The following PSD3 variants were observed in gnomAD, a reference collection of about 807,000 sequenced individuals.
PSD3 encodes PH and SEC7 domain-containing protein 3.
Under a neutral mutation model 105.5 loss-of-function variants are expected in PSD3, and 49 were observed. That is an observed-to-expected ratio of 0.46 (90% confidence interval 0.37 to 0.59). The LOEUF (loss-of-function observed/expected upper bound fraction) is 0.59. PSD3 is among the 20% of genes least tolerant of loss of function. The pLI is 0.00. For missense variants in PSD3, 1,561 were observed against 1,263.8 expected, an observed-to-expected ratio of 1.24 and a Z score of -3.57; for synonymous variants, 557 against 457.8, an observed-to-expected ratio of 1.22 and a Z score of -2.77.
At chr8:18,916,302 A>G (rs1166324896) in intron 2 of PSD3, among the ~76,000 whole-genome samples, 1 of 570 alleles carries the variant, frequency 1.8e-3, no homozygotes, top group African/African-American at 0.011. Context: ...AAAGTGATAT[A>G]TATATATATA....
chr8:18,936,203 A>G (rs1822124018), intron 1 of PSD3, 61 bp from the exon 2 acceptor site: 1 of 1,079,482 alleles, frequency 9.3e-7, no homozygotes, highest in African/African-American at 1.6e-5. Context: ...ACACATCATA[A>G]AACAAATTAT....
chr8:18,798,132 A>C (rs981572144), intron 8 of PSD3, among the ~76,000 whole-genome samples: 2 of 152,144 alleles, frequency 1.3e-5, no homozygotes, highest in Non-Finnish European at 2.9e-5. Flanking sequence ...GTCAAGATTC[A>C]CACTGTGAAA....
chr8:18,870,179 T>C (rs1817230509), intron 3 of PSD3, among the ~76,000 whole-genome samples: 1 of 151,984 alleles, frequency 6.6e-6, no homozygotes, highest in South Asian at 2.1e-4. Flanking sequence ...AAAAGGCATT[T>C]CCTTACACCG....
intron 1 of PSD3, among the ~76,000 whole-genome samples, chr8:19,041,613 A>G (rs1022442083): frequency 1.3e-5 from 2 of 152,200 alleles, no homozygotes; most frequent in Admixed American, 6.5e-5. Context: ...TCTTGCACTT[A>G]CCTGGGTTAT....
At chr8:18,575,031 A>G in intron 13 of PSD3, 97 bp downstream of exon 13, 1 of 1,321,054 alleles carries the variant, frequency 7.6e-7, no homozygotes, top group Non-Finnish European at 1.0e-6. Context: ...ATTCCAACTC[A>G]AAAAATTTCC....
chr8:18,863,603 G>A (rs1427173733), intron 4 of PSD3, among the ~76,000 whole-genome samples: 2 of 152,186 alleles, frequency 1.3e-5, no homozygotes, highest in Non-Finnish European at 2.9e-5. Flanking sequence ...TATTGCCATT[G>A]AAAGTAATGA....
At chr8:18,784,314 T>C (rs949820461) in intron 8 of PSD3, among the ~76,000 whole-genome samples, 1 of 151,962 alleles carries the variant, frequency 6.6e-6, no homozygotes, top group Non-Finnish European at 1.5e-5. Flanking sequence ...TTTCACGGCT[T>C]ATTATGTGTT....
chr8:18,980,170 G>T (rs1425959532), intron 1 of PSD3, among the ~76,000 whole-genome samples: 1 of 152,194 alleles, frequency 6.6e-6, no homozygotes, highest in Admixed American at 6.5e-5. Context: ...AAGGCACGAG[G>T]TATGTGAGTG....
At chr8:18,714,795 A>T (rs1312185373) in intron 9 of PSD3, among the ~76,000 whole-genome samples, 1 of 152,250 alleles carries the variant, frequency 6.6e-6, no homozygotes, top group Non-Finnish European at 1.5e-5. Flanking sequence ...TACCCAAAGG[A>T]ATATAAATTA....
intron 1 of PSD3, among the ~76,000 whole-genome samples, chr8:19,059,667 A>G (rs1828831302): frequency 6.6e-6 from 1 of 152,266 alleles, no homozygotes; most frequent in Non-Finnish European, 1.5e-5. Flanking sequence ...CTACGTCTGT[A>G]AAGCACTGAG....
Position 18,724,903 on chromosome 8 carries a change from A to C in PSD3, c.2172+40546T>G, listed in dbSNP as rs1052907364. Among the ~76,000 whole-genome samples, 6 of 152,340 alleles carry C rather than the reference A, an allele frequency of 3.9e-5. No homozygotes were observed. In the South Asian group the frequency reaches 1.2e-3, roughly 32 times the overall value. ...ACAATCGTAACAACTAGATGGGAACAATGGGAGATGTGGAATGGGCAGGTG... is the reference window on the plus strand; with the variant it reads ...ACAATCGTAACAACTAGATGGGAACCATGGGAGATGTGGAATGGGCAGGTG... On this transcript the variant is annotated intron_variant, in intron 9 of 15. Transcript: ENST00000327040.
At position 19,029,034 on chromosome 8, in the gene PSD3, C is replaced by G. The variant is rs142249162; in HGVS notation, c.324+55172G>C. Among the ~76,000 whole-genome samples, 1,306 of 152,260 alleles carry G rather than the reference C, an allele frequency of 8.6e-3. 13 individuals are homozygous for G. Among genetic ancestry groups the G allele is most frequent in the African/African-American group, 0.02 (825 of 41,558 alleles). ...CATTTCATTGATCTATGTCTCTATA[C>G]TTACAATAATGCAAAGTCTTCATTA... is the stretch of plus-strand genomic sequence containing the variant. On this transcript the variant is annotated intron_variant, in intron 1 of 1. Transcript: ENST00000521475.
At chr8:18,956,127 A>C (rs7831969) in intron 1 of PSD3, among the ~76,000 whole-genome samples, 3 of 152,182 alleles carry the variant, frequency 2.0e-5, no homozygotes, top group African/African-American at 7.2e-5. Context: ...TGAAAGAAAA[A>C]GACTTTTCTG....
intron 1 of PSD3, among the ~76,000 whole-genome samples, chr8:18,944,797 G>C (rs1001748709): frequency 6.6e-6 from 1 of 152,112 alleles, no homozygotes; most frequent in Non-Finnish European, 1.5e-5. Flanking sequence ...AAATTGCCCA[G>C]TTGGGACTGA....
intron 1 of PSD3, among the ~76,000 whole-genome samples, chr8:19,008,337 A>AT (rs767028948): frequency 1.3e-4 from 20 of 152,198 alleles, no homozygotes; most frequent in Non-Finnish European, 2.2e-4. Flanking sequence ...TTGTAGGGAC[A>AT]TGAAGGCAGA....
intron 9 of PSD3, among the ~76,000 whole-genome samples, chr8:18,670,301 GGT>G (rs1799705773): frequency 6.6e-6 from 1 of 152,198 alleles, no homozygotes; most frequent in African/African-American, 2.4e-5. Context: ...GGTGTGAGCA[GGT>G]CCCGAAGGGC....
intron 15 of PSD3, among the ~76,000 whole-genome samples, chr8:18,538,452 A>C (rs540053013): frequency 1.3e-5 from 2 of 152,320 alleles, no homozygotes; most frequent in East Asian, 3.9e-4. Flanking sequence ...CATTTTATGA[A>C]TTTATTAATT....
intron 4 of PSD3, among the ~76,000 whole-genome samples, chr8:18,828,008 C>T (rs1038171439): frequency 7.3e-6 from 1 of 136,936 alleles, no homozygotes; most frequent in African/African-American, 2.7e-5. Flanking sequence ...ACAAGGTAGA[C>T]AATTTATATA....
chr8:18,662,034 G>A (rs1394380117), intron 9 of PSD3, among the ~76,000 whole-genome samples: 1 of 151,186 alleles, frequency 6.6e-6, no homozygotes, highest in African/African-American at 2.4e-5. Context: ...TTTTGAAATC[G>A]AGTCAACATG....
Sources: gnomAD v4.1 joint callset for allele counts (sites outside exome capture counted in the v4.1 genomes callset) on GRCh38, gnomAD v4.1.1 for gene constraint, MANE v1.5 for transcripts, NCBI Gene and HGNC (gene_info 2026-07-23, HGNC 2026-07-21) for gene names.